RBBP5: variants seen among roughly 807,000 people sequenced by gnomAD.
RBBP5 encodes RB binding protein 5, histone lysine methyltransferase complex subunit.
A neutral mutation model predicts 72.2 loss-of-function variants in RBBP5; 5 were observed. The observed-to-expected ratio is 0.07, with a 90% CI of 0.04 to 0.15. The LOEUF is 0.15. Among genes scored for constraint, RBBP5 ranks in the 10% least tolerant of loss-of-function variants. RBBP5 has a pLI of 1.00. For synonymous variants in RBBP5, 209 were observed against 237.2 expected, an observed-to-expected ratio of 0.88 and a Z score of 1.09; for missense variants, 322 against 652.2, an observed-to-expected ratio of 0.49 and a Z score of 5.51.
rs1471653331 is a variant in RBBP5, at chr1:205,090,322, T to C, written c.1589-1507A>G. Among the ~76,000 whole-genome samples the C allele has an allele frequency of 2.6e-5, 4 of 152,272 alleles. No homozygotes were observed. In the South Asian group the frequency reaches 6.2e-4, roughly 24 times the overall value. On this transcript the variant is annotated intron_variant, in intron 13 of 13. Transcript: ENST00000264515. ...ACAACATTGCCATTTTAAACCTAAA[T>C]CATAATAGGAGAAAGTGGCTTGATC...
At position 205,096,059 on chromosome 1, in the gene RBBP5, G is replaced by A. The variant is rs545078058; in HGVS notation, c.1396+623C>T. 4.2e-4 allele frequency among the ~76,000 whole-genome samples: 64 copies of A among 152,216 alleles called. 2 individuals carry two copies. In the South Asian group the frequency reaches 0.013, roughly 31 times the overall value. Reference sequence around the variant, plus strand: ...AATATGAAAATTAGCCAGGCGTGGTGGTGCATGCCTGTAGTCCCAGCTACT... The same window carrying A: ...AATATGAAAATTAGCCAGGCGTGGTAGTGCATGCCTGTAGTCCCAGCTACT... On this transcript the variant is annotated intron_variant, in intron 12 of 13. Coordinates refer to ENST00000264515, the MANE Select transcript of RBBP5 (RefSeq NM_005057.4).
chr1:205,115,772 A>C (rs1392267209), intron 2 of RBBP5, 86 bp downstream of exon 2: 11 of 1,411,978 alleles, frequency 7.8e-6, no homozygotes, highest in Non-Finnish European at 1.0e-5. Context: ...CTGTCAAAAC[A>C]CAAGGATCAA....
chr1:205,121,848 T>C lies in RBBP5; in HGVS notation c.19+7A>G. On this transcript the variant is annotated splice_region_variant and intron_variant, in intron 1 of 13. Coordinates refer to ENST00000264515, the MANE Select transcript of RBBP5 (RefSeq NM_005057.4). ...CTTCTCTAAAACGCAGCCACAGCCC[T>C]TCTCACCCAGCAACTCGAGGTTCAT... is the stretch of plus-strand genomic sequence containing the variant. 1 of 1,612,394 alleles carries C rather than the reference T, an allele frequency of 6.2e-7. No individual in the cohort carries two copies. Among genetic ancestry groups the C allele is most frequent in the Non-Finnish European group, 8.5e-7 (1 of 1,180,014 alleles).
chr1:205,115,846 C>CTA lies in RBBP5; in HGVS notation c.45+10_45+11dup, dbSNP rs769294103. 4.1e-5 allele frequency: 66 copies of CTA among 1,603,434 alleles called. No individual in the cohort carries two copies. Among genetic ancestry groups the CTA allele is most frequent in the Non-Finnish European group, 5.4e-5 (64 of 1,176,332 alleles). ...CTATGTTCCTAAAATCACCACAATA[C>CTA]TATACTCTTACCTCTGGATAGTTCT... On this transcript the variant is annotated intron_variant, in intron 2 of 13. Coordinates refer to ENST00000264515, the MANE Select transcript of RBBP5 (RefSeq NM_005057.4).
rs2102281255 is a variant in RBBP5, at chr1:205,100,013, T to C, written c.804A>G (p.Ala268=). ...CFSGDGEYIV[A]GSARQHALYI... ...ACAGGGCATGCTGCCGGGCAGAACC[T>C]GCCACGATGTATTCCCCATCCCCAG... is the stretch of plus-strand genomic sequence containing the variant. The change falls in exon 8 of 14, where the codon GCA becomes GCG. Residue 268 remains alanine, a synonymous_variant. Transcript: ENST00000264515. 4 of 1,614,212 alleles carry C rather than the reference T, an allele frequency of 2.5e-6. No individual in the cohort carries two copies. Among genetic ancestry groups the C allele is most frequent in the South Asian group, 1.1e-5 (1 of 91,090 alleles).
chr1:205,094,753 T>G, intron 13 of RBBP5, 120 bp downstream of exon 13: 1 of 1,175,226 alleles, frequency 8.5e-7, no homozygotes, highest in Non-Finnish European at 1.2e-6. Context: ...TCAGAAATTA[T>G]CTGCTGCTGG....
chr1:205,089,852 ATTTATT>A (rs1222563495), intron 13 of RBBP5, among the ~76,000 whole-genome samples: 1 of 151,940 alleles, frequency 6.6e-6, no homozygotes, highest in Non-Finnish European at 1.5e-5. Context: ...TATTTATTTT[ATTTATT>A]TTTATTTTTT....
In RBBP5 at chr1:205,087,246, G is replaced by C. The variant is rs935826430; in HGVS notation, c.*1541C>G. The C allele has an allele frequency of 1.3e-5, 2 of 150,254 alleles. No individual in the cohort carries two copies. Among genetic ancestry groups the C allele is most frequent in the Non-Finnish European group, 3.0e-5 (2 of 67,776 alleles). The allele number at this position is 150,254 out of a possible 1,614,324, so 9.3% of individuals were successfully genotyped here. A position where few individuals can be genotyped will look rare whatever the true frequency, so the allele number is the denominator to read the frequency against. The stretch of plus-strand genomic sequence containing the variant: ...GAGTCTCATTCTGTCACCTAGGCTG[G>C]AGGGCAGTGGTGCGATCTCCACTCA... On this transcript the variant is annotated 3_prime_UTR_variant, in exon 14 of 14. Coordinates refer to ENST00000264515, the MANE Select transcript of RBBP5 (RefSeq NM_005057.4).
chr1:205,111,402 T>C (rs775435289), intron 3 of RBBP5, among the ~76,000 whole-genome samples: 1 of 152,196 alleles, frequency 6.6e-6, no homozygotes, highest in Non-Finnish European at 1.5e-5. Flanking sequence ...GAAGATACTC[T>C]AACACAAATA....
chr1:205,121,655 A>C (rs1412387587), intron 1 of RBBP5, among the ~76,000 whole-genome samples, 200 bp downstream of exon 1: 1 of 152,178 alleles, frequency 6.6e-6, no homozygotes, highest in African/African-American at 2.4e-5. Flanking sequence ...ATTGATATGA[A>C]AGTGGCCTCG....
intron 3 of RBBP5, among the ~76,000 whole-genome samples, chr1:205,107,193 T>G (rs1033411280): frequency 2.0e-5 from 3 of 151,854 alleles, no homozygotes; most frequent in African/African-American, 7.3e-5. Context: ...AAGGAGAGAA[T>G]ACAGACTGGG....
intron 1 of RBBP5, among the ~76,000 whole-genome samples, chr1:205,119,313 T>C (rs1330842838): frequency 6.6e-6 from 1 of 152,130 alleles, no homozygotes; most frequent in East Asian, 1.9e-4. Flanking sequence ...GGAGAATCGG[T>C]TGAACTTGGG....
chr1:205,121,118 T>C (rs1369749505), intron 1 of RBBP5, among the ~76,000 whole-genome samples: 2 of 152,214 alleles, frequency 1.3e-5, no homozygotes, highest in Non-Finnish European at 1.5e-5. Flanking sequence ...CAGAAGTCCT[T>C]GAAAACCTCA....
At chr1:205,109,039 G>A (rs11240359) in intron 3 of RBBP5, among the ~76,000 whole-genome samples, 24,702 of 152,114 alleles carry the variant, frequency 0.16, 2,757 homozygotes, top group East Asian at 0.45. Context: ...ACAGAGGAAG[G>A]CAGGGGTAAG....
Position 205,088,536 on chromosome 1 carries a change from C to T in RBBP5, c.*251G>A, listed in dbSNP as rs1655214687. The T allele has an allele frequency of 2.1e-6, 1 of 467,426 alleles. No homozygotes were observed. Among genetic ancestry groups the T allele is most frequent in the Non-Finnish European group, 3.7e-6 (1 of 267,058 alleles). 29.0% of individuals were successfully genotyped at this position (467,426 alleles called of 1,614,324 possible). A position where few individuals can be genotyped will look rare whatever the true frequency, so the allele number is the denominator to read the frequency against. On this transcript the variant is annotated 3_prime_UTR_variant, in exon 14 of 14. Transcript: ENST00000264515. ...ATCAAAGTTTAAATGAGTCAAAATT[C>T]CTATCTGATGTCTTCACAAATCTTC... is the stretch of plus-strand genomic sequence containing the variant.
intron 1 of RBBP5, among the ~76,000 whole-genome samples, chr1:205,118,166 C>A (rs4509642): frequency 0.8 from 121,673 of 152,070 alleles, 49,858 homozygotes; most frequent in East Asian, 0.97. Flanking sequence ...TTGTGGTTCC[C>A]TATTATACAC....
At chr1:205,115,810 C>T in intron 2 of RBBP5, 48 bp downstream of exon 2, 1 of 1,527,144 alleles carries the variant, frequency 6.5e-7, no homozygotes, top group Non-Finnish European at 8.8e-7. Context: ...AACATAAACA[C>T]CCAGAAGTTA....
chr1:205,092,619 T>G (rs1655394885), intron 13 of RBBP5, among the ~76,000 whole-genome samples: 1 of 151,544 alleles, frequency 6.6e-6, no homozygotes, highest in Non-Finnish European at 1.5e-5. Context: ...CTGGCTAATT[T>G]TTTGATTATT....
chr1:205,114,961 C>A lies in RBBP5; in HGVS notation c.46G>T (p.Glu16Ter). 1 of 1,584,324 alleles carries A rather than the reference C, an allele frequency of 6.3e-7. No individual in the cohort carries two copies. Among genetic ancestry groups the A allele is most frequent in the African/African-American group, 1.3e-5 (1 of 74,402 alleles). The change falls in exon 3 of 14, where the codon GAA becomes TAA. Residue 16 changes from glutamate to a stop codon, truncating the protein, a stop_gained and splice_region_variant. Coordinates refer to ENST00000264515, the MANE Select transcript of RBBP5 (RefSeq NM_005057.4). LOFTEE classifies it high-confidence loss of function. ...LESFGQNYPEEADGTLDCISM... is the reference protein window; with the variant it reads ...LESFGQNYPE ...ATACAATCCAAAGTTCCATCAGCTT[C>A]CTAAAAATTGAAACAAATACAAGAA...
Sources: gnomAD v4.1 joint callset for allele counts (sites outside exome capture counted in the v4.1 genomes callset) on GRCh38, gnomAD v4.1.1 for gene constraint, MANE v1.5 for transcripts, NCBI Gene and HGNC (gene_info 2026-07-23, HGNC 2026-07-21) for gene names.